Variants in CPLANE1 observed in about 807,000 individuals in gnomAD.
CPLANE1 encodes ciliogenesis and planar polarity effector complex subunit 1.
A neutral mutation model predicts 362.5 loss-of-function variants in CPLANE1; 263 were observed. The ratio of observed to expected loss-of-function variants is 0.73; its 90% CI spans 0.66 to 0.80. The LOEUF (loss-of-function observed/expected upper bound fraction) is 0.80. Ranked by LOEUF, CPLANE1 falls within the 30% of genes least tolerant of loss-of-function variation. The pLI is 0.00. For missense variants in CPLANE1, 3,461 were observed against 3,793.4 expected (o/e 0.91, Z 2.30); for synonymous variants, 1,212 against 1,302.6 (o/e 0.93, Z 1.50).
intron 20 of CPLANE1, among the ~76,000 whole-genome samples, chr5:37,196,946 A>G (rs1052565358): frequency 6.6e-6 from 1 of 152,102 alleles, no homozygotes; most frequent in African/African-American, 2.4e-5. Flanking sequence ...AGGAAAAAAA[A>G]AAAGAAAATT....
chr5:37,109,901 C>T (rs1367698678), intron 51 of CPLANE1, among the ~76,000 whole-genome samples: 1 of 152,212 alleles, frequency 6.6e-6, no homozygotes, highest in Non-Finnish European at 1.5e-5. Context: ...AAGCGATCGG[C>T]CTGCCTCAGC....
At chr5:37,204,085 T>G (rs1421884269) in intron 18 of CPLANE1, among the ~76,000 whole-genome samples, 1 of 152,210 alleles carries the variant, frequency 6.6e-6, no homozygotes, top group Non-Finnish European at 1.5e-5. Context: ...AAACAACATA[T>G]TGCCAAAACT....
At chr5:37,204,768 T>G (rs1294175468) in intron 18 of CPLANE1, among the ~76,000 whole-genome samples, 2 of 148,102 alleles carry the variant, frequency 1.4e-5, no homozygotes, top group African/African-American at 5.0e-5. Context: ...AAAAAAGGCA[T>G]GTATGGAAAA....
Position 37,168,905 on chromosome 5 carries a change from T to C in CPLANE1, c.7119A>G (p.Pro2373=), listed in dbSNP as rs1779012206. The change falls in exon 34 of 53, where the codon CCA becomes CCG. Residue 2373 remains proline (P), a synonymous_variant. Transcript: ENST00000651892. ...CTGTAATAGATGCTCTTGAGGTTGATGGAAACATATTAGGAGGTTTAAGTG... is the reference window on the plus strand; with the variant it reads ...CTGTAATAGATGCTCTTGAGGTTGACGGAAACATATTAGGAGGTTTAAGTG... ...YLPLKPPNMF[P]STSRASITVP... 7 of 1,614,218 alleles carry C rather than the reference T, an allele frequency of 4.3e-6. No individual in the cohort carries two copies. The highest frequency in any genetic ancestry group is 5.1e-6 in the Non-Finnish European group (6 of 1,180,042).
chr5:37,210,751 A>G, intron 16 of CPLANE1: 1 of 1,562,218 alleles, frequency 6.4e-7, no homozygotes, highest in Admixed American at 1.7e-5. Flanking sequence ...GAGAGTAGAA[A>G]TGAAAACTTG....
At chr5:37,121,974 A>C (rs1579894413) in intron 48 of CPLANE1, among the ~76,000 whole-genome samples, 190 bp from the exon 49 acceptor site, 1 of 151,150 alleles carries the variant, frequency 6.6e-6, no homozygotes, top group African/African-American at 2.4e-5. Context: ...CCGCCTCCCG[A>C]GTTCAAGCAA....
chr5:37,140,257 A>AT, intron 44 of CPLANE1: 1 of 941,288 alleles, frequency 1.1e-6, no homozygotes, highest in African/African-American at 1.8e-5. Context: ...ATTCCTTAAG[A>AT]TTTTATTATC....
intron 21 of CPLANE1, among the ~76,000 whole-genome samples, chr5:37,193,167 TA>T (rs1010441137): frequency 3.5e-5 from 5 of 142,096 alleles, no homozygotes; most frequent in East Asian, 2.3e-4. Flanking sequence ...AGACTCCAAC[TA>T]AAAAAAAAAC....
chr5:37,146,101 C>T (rs1253910709), intron 43 of CPLANE1, among the ~76,000 whole-genome samples: 2 of 152,128 alleles, frequency 1.3e-5, no homozygotes, highest in Admixed American at 6.5e-5. Context: ...GAGAAGGAAC[C>T]CAGAAGTTAA....
intron 19 of CPLANE1, among the ~76,000 whole-genome samples, chr5:37,199,508 C>G (rs749868346): frequency 6.6e-6 from 1 of 152,140 alleles, no homozygotes; most frequent in Non-Finnish European, 1.5e-5. Flanking sequence ...CAATTTATAC[C>G]TGTATCCCAC....
At position 37,173,780 on chromosome 5, in the gene CPLANE1, T is replaced by C. The variant is rs1469841680; in HGVS notation, c.6146A>G (p.Gln2049Arg). The C allele has an allele frequency of 6.2e-7, 1 of 1,614,186 alleles. No individual in the cohort carries two copies. Among genetic ancestry groups the C allele is most frequent in the Non-Finnish European group, 8.5e-7 (1 of 1,180,030 alleles). Reference protein sequence around the residue: ...DCSESVRQMLQDEMFKLVQLQ... With the variant: ...DCSESVRQMLRDEMFKLVQLQ... ...CTGAACTAATTTAAACATTTCATCT[T>C]GCAGCATCTGCCTAACGGACTCCGA... The change falls in exon 32 of 53, where the codon CAA becomes CGA. Residue 2049 changes from glutamine (Q) to arginine (R), a missense_variant. This residue lies in a region of CPLANE1 where 3,380 missense variants were observed against 3,666.1 expected (regional missense o/e 0.92). Coordinates refer to ENST00000651892, the MANE Select transcript of CPLANE1 (RefSeq NM_001384732.1).
intron 16 of CPLANE1, chr5:37,210,785 G>A (rs1792374803): frequency 1.6e-6 from 2 of 1,258,892 alleles, no homozygotes; most frequent in Admixed American, 1.7e-5. Context: ...GCCTAGCTCA[G>A]CTGGCTCCTG....
At chr5:37,130,996 A>C (rs181456292) in intron 46 of CPLANE1, among the ~76,000 whole-genome samples, 45 of 152,396 alleles carry the variant, frequency 3.0e-4, no homozygotes, top group South Asian at 1.2e-3. Flanking sequence ...TATAGGCTGC[A>C]GTGAATGTCT....
intron 50 of CPLANE1, among the ~76,000 whole-genome samples, chr5:37,116,895 C>T (rs1267385644): frequency 6.6e-6 from 1 of 152,140 alleles, no homozygotes; most frequent in Non-Finnish European, 1.5e-5. Context: ...GGATTTCCCT[C>T]CATTCTCCCA....
Position 37,244,488 on chromosome 5 carries a change from T to C in CPLANE1, c.457A>G (p.Lys153Glu), listed in dbSNP as rs1213278664. 3.9e-6 allele frequency: 6 copies of C among 1,551,956 alleles called. No individual in the cohort carries two copies. In the Admixed American group the frequency reaches 7.8e-5, roughly 20 times the overall value. Residue 153 changes from lysine to glutamate, a missense_variant, in exon 5 of 53, where the codon AAA (lysine) becomes GAA (glutamate). This residue lies in a region of CPLANE1 where 3,380 missense variants were observed against 3,666.1 expected (regional missense o/e 0.92). Transcript: ENST00000651892. ...CACCGACCCGCCAATGAAAGGCTTT[T>C]AGAAGATAAGATATTCTTTAATTCC... Reference protein sequence around the residue: ...YLELKNILSSKSLSLAGRWSQ... With the variant: ...YLELKNILSSESLSLAGRWSQ...
intron 21 of CPLANE1, 48 bp from the exon 22 acceptor site, chr5:37,187,890 T>C: frequency 7.5e-7 from 1 of 1,326,808 alleles, no homozygotes; most frequent in Non-Finnish European, 1.1e-6. Context: ...AGTATGTACA[T>C]TAATATTATA....
chr5:37,220,250 CA>C (rs113647197), intron 15 of CPLANE1, among the ~76,000 whole-genome samples: 2,174 of 133,990 alleles, frequency 0.016, 48 homozygotes, highest in African/African-American at 0.052. Flanking sequence ...GACCATATCT[CA>C]AAAAAAAAAA....
At position 37,121,753 on chromosome 5, in the gene CPLANE1, T is replaced by C. The variant is rs1219035432; in HGVS notation, c.9049A>G (p.Ile3017Val). 1 of 1,614,088 alleles carries C rather than the reference T, an allele frequency of 6.2e-7. No individual in the cohort carries two copies. The highest frequency in any genetic ancestry group is 8.5e-7 in the Non-Finnish European group (1 of 1,179,914). The change falls in exon 49 of 53, where the codon ATC (isoleucine) becomes GTC (valine). Residue 3017 changes from isoleucine to valine, a missense_variant. Ile to Val is a conservative substitution (Grantham distance 29). Coordinates refer to ENST00000651892, the MANE Select transcript of CPLANE1 (RefSeq NM_001384732.1). The part of the protein sequence containing the change: ...LLLSEHYSRR[I>V]SQAYGLMNEL... ...TTCATCAGACCGTACGCTTGTGAGATTCGACGACTATAGTGTTCAGAGAGC... is the reference window on the plus strand; with the variant it reads ...TTCATCAGACCGTACGCTTGTGAGACTCGACGACTATAGTGTTCAGAGAGC...
intron 32 of CPLANE1, among the ~76,000 whole-genome samples, chr5:37,172,548 A>C (rs949982818): frequency 1.3e-5 from 2 of 152,256 alleles, no homozygotes; most frequent in Middle Eastern, 3.2e-3. Context: ...TAAAACATTA[A>C]GATGGTAGAA....
Sources: gnomAD v4.1 joint callset for allele counts (sites outside exome capture counted in the v4.1 genomes callset) on GRCh38, gnomAD v4.1.1 for gene constraint, gnomAD v4.1.1 regional missense constraint, MANE v1.5 for transcripts, NCBI Gene and HGNC (gene_info 2026-07-23, HGNC 2026-07-21) for gene names.